Variants in SEMA6A observed in about 807,000 individuals in gnomAD.
SEMA6A encodes the protein semaphorin 6A.
Under a neutral mutation model 96.8 loss-of-function variants are expected in SEMA6A, and 25 were observed. That is an observed-to-expected ratio of 0.26 (90% CI 0.19 to 0.36). SEMA6A has a LOEUF of 0.36. Among genes scored for constraint, SEMA6A ranks in the 10% least tolerant of loss-of-function variants. The pLI is 1.00. For synonymous variants in SEMA6A, 612 were observed against 518.0 expected (o/e 1.18, Z -2.46); for missense variants, 1,363 against 1,323.1 (o/e 1.03, Z -0.47).
rs374336600 is a variant in SEMA6A at position 116,502,311 on chromosome 5, C to T, written c.117G>A (p.Pro39=). Residue 39 remains proline, a synonymous_variant, in exon 3 of 19, where the codon CCG becomes CCA. Transcript: ENST00000343348. ...GTCCTGGCTTGTGGCCCACAAACACCGGATACTGTTTTGTATCTGTGAAAA... is the reference window on the plus strand; with the variant it reads ...GTCCTGGCTTGTGGCCCACAAACACTGGATACTGTTTTGTATCTGTGAAAA... The part of the protein sequence containing the change: ...ISHGNYTKQY[P]VFVGHKPGRN... The T allele has an allele frequency of 1.1e-5, 17 of 1,613,612 alleles. No homozygotes were observed. Among genetic ancestry groups the T allele is most frequent in the Middle Eastern group, 1.6e-4 (1 of 6,076 alleles).
chr5:116,541,185 G>T (rs761731169), intron 1 of SEMA6A, among the ~76,000 whole-genome samples: 5 of 152,146 alleles, frequency 3.3e-5, no homozygotes, highest in Non-Finnish European at 7.4e-5. Flanking sequence ...ATGCTAGCCT[G>T]GCTACACAGA....
intron 12 of SEMA6A, 28 bp from the exon 13 acceptor site, chr5:116,478,746 C>A (rs1325366011): frequency 1.9e-6 from 3 of 1,604,858 alleles, no homozygotes; most frequent in East Asian, 2.2e-5. Flanking sequence ...CATTTCTTAT[C>A]TCTTTGTTGG....
chr5:116,474,978 T>C (rs1756376851), intron 16 of SEMA6A, among the ~76,000 whole-genome samples: 1 of 152,228 alleles, frequency 6.6e-6, no homozygotes, highest in Non-Finnish European at 1.5e-5. Context: ...TAACTATCTC[T>C]GAGATTTACA....
chr5:116,544,861 G>A (rs144789113), intron 1 of SEMA6A, among the ~76,000 whole-genome samples: 3 of 152,304 alleles, frequency 2.0e-5, no homozygotes, highest in Admixed American at 2.0e-4. Context: ...CAATATGTCA[G>A]TATGTTCAGC....
At chr5:116,502,924 A>C (rs1356613741) in intron 2 of SEMA6A, among the ~76,000 whole-genome samples, 1 of 152,244 alleles carries the variant, frequency 6.6e-6, no homozygotes, top group African/African-American at 2.4e-5. Context: ...CAATTGGCTA[A>C]CAATTTCACA....
At chr5:116,548,313 G>A (rs538695219) in intron 1 of SEMA6A, among the ~76,000 whole-genome samples, 7 of 152,192 alleles carry the variant, frequency 4.6e-5, no homozygotes, top group East Asian at 1.9e-4. Context: ...CCAGACTCAC[G>A]GTGCATTTCA....
Position 116,539,095 on chromosome 5 carries a change from T to G in SEMA6A, c.-38-34113A>C, listed in dbSNP as rs146087945. Reference sequence around the variant, plus strand: ...ATTTCAGACATCTACACCCTATTCTTCTTATCTACCACAACCCAATGTCCC... The same window carrying G: ...ATTTCAGACATCTACACCCTATTCTGCTTATCTACCACAACCCAATGTCCC... On this transcript the variant is annotated intron_variant, in intron 1 of 18. Coordinates refer to ENST00000343348, the MANE Select transcript of SEMA6A (RefSeq NM_020796.5). Among the ~76,000 whole-genome samples, 19 of 152,292 alleles carry G rather than the reference T, an allele frequency of 1.2e-4. 1 individual carries two copies. In the East Asian group the frequency reaches 3.5e-3, roughly 28 times the overall value.
intron 18 of SEMA6A, among the ~76,000 whole-genome samples, chr5:116,455,532 T>C (rs1034222113): frequency 6.6e-6 from 1 of 152,172 alleles, no homozygotes; most frequent in African/African-American, 2.4e-5. Context: ...GGTCCCATCT[T>C]TTTCCTTTAC....
At chr5:116,564,520 C>G (rs1371945960) in intron 1 of SEMA6A, among the ~76,000 whole-genome samples, 1 of 152,158 alleles carries the variant, frequency 6.6e-6, no homozygotes, top group Non-Finnish European at 1.5e-5. Flanking sequence ...ATCCGTTGCA[C>G]AAGGCCAAAT....
At position 116,497,331 on chromosome 5, in the gene SEMA6A, C is replaced by G. The variant is rs756491895; in HGVS notation, c.275G>C (p.Ser92Thr). Residue 92 changes from serine (S) to threonine (T), a missense_variant, in exon 4 of 19, where the codon AGC becomes ACC. Coordinates refer to ENST00000343348, the MANE Select transcript of SEMA6A (RefSeq NM_020796.5). The stretch of plus-strand genomic sequence containing the variant: ...TATAGTTTTAAAACAACTTACTTTG[C>G]TACAATAAATTTCTTCCGTGTGTGA... Reference protein sequence around the residue: ...DTSHTEEIYCSKKLTWKSRQA... With the variant: ...DTSHTEEIYCTKKLTWKSRQA... 6.3e-7 allele frequency: 1 copy of G among 1,587,356 alleles called. No homozygotes were observed. The highest frequency in any genetic ancestry group is 1.7e-5 in the Admixed American group (1 of 59,548).
chr5:116,446,961 G>A lies in SEMA6A; in HGVS notation c.2745C>T (p.Asp915=), dbSNP rs1754256093. 1 of 1,613,962 alleles carries A rather than the reference G, an allele frequency of 6.2e-7. No individual in the cohort carries two copies. The highest frequency in any genetic ancestry group is 8.5e-7 in the Non-Finnish European group (1 of 1,179,878). Residue 915 remains aspartate (D), a synonymous_variant, in exon 19 of 19, where the codon GAC becomes GAT. Transcript: ENST00000343348. ...AGTTCGTGGGGTAGCTCCTCTTATA[G>A]TCAACCCCGTAGGAAGAGGAGTGGT... ...EMHHSSSYGV[D]YKRSYPTNSL... is the part of the protein sequence containing the mutation.
chr5:116,481,138 G>A (rs530415690), intron 11 of SEMA6A, among the ~76,000 whole-genome samples: 61 of 152,320 alleles, frequency 4.0e-4, no homozygotes, highest in African/African-American at 1.4e-3. Context: ...CAAGAGGGAC[G>A]AGGCAGGCAT....
chr5:116,500,628 T>G (rs1243245656), intron 3 of SEMA6A, among the ~76,000 whole-genome samples: 1 of 152,170 alleles, frequency 6.6e-6, no homozygotes, highest in African/African-American at 2.4e-5. Context: ...GTTGCACAGC[T>G]TATCACCTCA....
At chr5:116,559,822 G>A (rs1760750645) in intron 1 of SEMA6A, among the ~76,000 whole-genome samples, 1 of 152,104 alleles carries the variant, frequency 6.6e-6, no homozygotes, top group Non-Finnish European at 1.5e-5. Flanking sequence ...AAATCCTGTT[G>A]GCTGTACCAT....
At chr5:116,502,093 G>C (rs6885854) in intron 3 of SEMA6A, 117 bp downstream of exon 3, 1 of 737,972 alleles carries the variant, frequency 1.4e-6, no homozygotes, top group East Asian at 2.5e-5. Context: ...GAGGCTTTAA[G>C]TTAAATAACA....
intron 1 of SEMA6A, among the ~76,000 whole-genome samples, chr5:116,505,902 A>G (rs1758124189): frequency 6.6e-6 from 1 of 151,982 alleles, no homozygotes; most frequent in Non-Finnish European, 1.5e-5. Context: ...GACTCATAAT[A>G]CAGTAAATAT....
intron 1 of SEMA6A, among the ~76,000 whole-genome samples, chr5:116,521,947 A>C (rs1006135154): frequency 6.6e-6 from 1 of 152,242 alleles, no homozygotes; most frequent in East Asian, 1.9e-4. Flanking sequence ...AACATTGTGC[A>C]CATTGAAGGT....
intron 1 of SEMA6A, among the ~76,000 whole-genome samples, chr5:116,566,025 C>A (rs1761012375): frequency 7.1e-6 from 1 of 141,800 alleles, no homozygotes; most frequent in Non-Finnish European, 1.6e-5. Context: ...AAGAATGGAT[C>A]TATCACAGCT....
At chr5:116,477,470 G>A (rs147323074) in intron 15 of SEMA6A, among the ~76,000 whole-genome samples, 4 of 152,278 alleles carry the variant, frequency 2.6e-5, no homozygotes, top group South Asian at 2.1e-4. Context: ...TACAAAAGCC[G>A]GTTTTGCTAT....
Sources: allele counts gnomAD v4.1 joint callset (sites outside exome capture counted in the v4.1 genomes callset), GRCh38; gene constraint gnomAD v4.1.1; transcripts MANE v1.5; gene names NCBI Gene and HGNC (gene_info 2026-07-23, HGNC 2026-07-21).